The following ACAP2 variants were observed in gnomAD, a reference collection of about 807,000 sequenced individuals.
The protein encoded by ACAP2 is arf-GAP with coiled-coil, ANK repeat and PH domain-containing protein 2.
A neutral mutation model predicts 115.8 loss-of-function variants in ACAP2; 39 were observed. That is an observed-to-expected ratio of 0.34 (90% confidence interval 0.26 to 0.44). ACAP2 has a LOEUF of 0.44. Ranked by LOEUF, ACAP2 falls within the 20% of genes least tolerant of loss-of-function variation. ACAP2 has a pLI of 1.00. For missense variants in ACAP2, 662 were observed against 927.6 expected (o/e 0.71, Z 3.72); for synonymous variants, 289 against 315.8 (o/e 0.92, Z 0.90).
chr3:195,304,548 C>G (rs1728297750), intron 13 of ACAP2, among the ~76,000 whole-genome samples: 1 of 152,158 alleles, frequency 6.6e-6, no homozygotes, highest in African/African-American at 2.4e-5. Context: ...GATGACTGCT[C>G]TCTACACAAA....
chr3:195,381,541 T>C (rs1483399572), intron 3 of ACAP2, among the ~76,000 whole-genome samples: 2 of 152,158 alleles, frequency 1.3e-5, no homozygotes, highest in Non-Finnish European at 2.9e-5. Context: ...TAAGACGCTG[T>C]ACTTAGGTTA....
chr3:195,324,609 C>T (rs1190600454), intron 9 of ACAP2, among the ~76,000 whole-genome samples: 3 of 152,070 alleles, frequency 2.0e-5, no homozygotes, highest in African/African-American at 7.2e-5. Flanking sequence ...CAAAAATTAG[C>T]TAGGCATGGT....
At chr3:195,362,158 A>G (rs1350606543) in intron 4 of ACAP2, among the ~76,000 whole-genome samples, 2 of 152,072 alleles carry the variant, frequency 1.3e-5, no homozygotes, top group African/African-American at 4.8e-5. Flanking sequence ...TACTAAAAAT[A>G]CAAAAAAATT....
chr3:195,373,287 G>A (rs776716307), intron 4 of ACAP2, among the ~76,000 whole-genome samples: 7 of 151,980 alleles, frequency 4.6e-5, no homozygotes, highest in Non-Finnish European at 1.0e-4. Flanking sequence ...ATATTTTACA[G>A]AGGATCTTTC....
Position 195,356,292 on chromosome 3 carries a change from C to T in ACAP2, c.286-10975G>A. 8 of 423,336 alleles carry T rather than the reference C, an allele frequency of 1.9e-5. 1 individual carries two copies. Among genetic ancestry groups the T allele is most frequent in the South Asian group, 1.3e-4 (8 of 60,092 alleles). The allele number at this position is 423,336 out of a possible 1,614,324, so 26.2% of individuals were successfully genotyped here. ...CAATGAATGGAGCATTTAGACCAGC[C>T]CCAGGGACAGGACAATCACACAGCC... On this transcript the variant is annotated intron_variant, in intron 4 of 22. Transcript: ENST00000326793.
At chr3:195,339,603 ATTAC>A (rs1046371349) in intron 6 of ACAP2, among the ~76,000 whole-genome samples, 2 of 151,810 alleles carry the variant, frequency 1.3e-5, no homozygotes, top group South Asian at 2.1e-4. Flanking sequence ...TTGGATATCT[ATTAC>A]TTACTACTCT....
chr3:195,296,936 T>C (rs772395794), intron 16 of ACAP2, among the ~76,000 whole-genome samples: 17 of 152,180 alleles, frequency 1.1e-4, no homozygotes. Context: ...TAACTGACTG[T>C]TAAGGGTTTC....
intron 4 of ACAP2, among the ~76,000 whole-genome samples, chr3:195,361,968 C>T (rs772693878): frequency 2.6e-5 from 4 of 152,044 alleles, no homozygotes; most frequent in Admixed American, 6.6e-5. Flanking sequence ...GATTGAAGCA[C>T]GAAGAAATCC....
intron 22 of ACAP2, chr3:195,282,781 A>G (rs1726589601): frequency 1.3e-5 from 2 of 152,244 alleles, no homozygotes; most frequent in Admixed American, 6.5e-5. Context: ...TCAGACAGTT[A>G]ACTTTTCTAT....
intron 1 of ACAP2, among the ~76,000 whole-genome samples, chr3:195,392,704 T>C (rs1734757936): frequency 6.6e-6 from 1 of 152,186 alleles, no homozygotes; most frequent in South Asian, 2.1e-4. Context: ...AATGCAGAAC[T>C]AAATAAGCCA....
intron 21 of ACAP2, among the ~76,000 whole-genome samples, chr3:195,286,822 TAAGGG>T (rs1726873601): frequency 6.6e-6 from 1 of 152,242 alleles, no homozygotes; most frequent in Non-Finnish European, 1.5e-5. Context: ...AGATTATTTT[TAAGGG>T]AAGGGTCCAC....
Position 195,408,223 on chromosome 3 carries a change from A to G in ACAP2, c.54-16076T>C, listed in dbSNP as rs1294480099. Among the ~76,000 whole-genome samples, 8 of 152,184 alleles carry G rather than the reference A, an allele frequency of 5.3e-5. No homozygotes were observed. The East Asian group carries it at 1.5e-3, about 29-fold the overall frequency. On this transcript the variant is annotated intron_variant, in intron 1 of 22. Transcript: ENST00000326793. ...ATGCCTGTAATCCCAGCACTTTGGG[A>G]GCCCAAGGCAGGCGGTCTGCTTTCA...
intron 2 of ACAP2, among the ~76,000 whole-genome samples, chr3:195,383,622 C>T (rs1734092662): frequency 6.7e-6 from 1 of 148,412 alleles, no homozygotes; most frequent in Non-Finnish European, 1.5e-5. Context: ...GGATGCAAAG[C>T]TCAAATACTA....
chr3:195,324,287 A>G (rs1729634075), intron 9 of ACAP2, among the ~76,000 whole-genome samples: 1 of 152,226 alleles, frequency 6.6e-6, no homozygotes, highest in African/African-American at 2.4e-5. Flanking sequence ...GAAACAGAAT[A>G]GAGAAACTGA....
chr3:195,441,439 T>C (rs1245400439), intron 1 of ACAP2, among the ~76,000 whole-genome samples: 1 of 152,208 alleles, frequency 6.6e-6, no homozygotes. Flanking sequence ...TTTTAAATAA[T>C]AGCCCTAGGC....
chr3:195,332,757 T>C (rs1210518871), intron 8 of ACAP2, among the ~76,000 whole-genome samples: 1 of 152,172 alleles, frequency 6.6e-6, no homozygotes, highest in East Asian at 1.9e-4. Context: ...TTTGGTAGTT[T>C]CTCCTGCGTT....
intron 9 of ACAP2, among the ~76,000 whole-genome samples, chr3:195,321,267 G>C (rs1379257669): frequency 7.6e-6 from 1 of 131,444 alleles, no homozygotes; most frequent in Non-Finnish European, 1.5e-5. Context: ...CTGCTGCCCA[G>C]CCTGGAGTGC....
chr3:195,321,814 T>C (rs752581507), intron 9 of ACAP2, among the ~76,000 whole-genome samples: 10 of 152,048 alleles, frequency 6.6e-5, no homozygotes, highest in Non-Finnish European at 1.5e-4. Context: ...GATTTCACCA[T>C]GTTAGCCAGG....
intron 2 of ACAP2, among the ~76,000 whole-genome samples, chr3:195,390,344 T>C (rs1734585267): frequency 1.3e-5 from 2 of 152,142 alleles, no homozygotes; most frequent in Non-Finnish European, 2.9e-5. Flanking sequence ...TACAGGATTA[T>C]TGTAAAAATT....
Sources: gnomAD v4.1 joint callset for allele counts (sites outside exome capture counted in the v4.1 genomes callset) on GRCh38, gnomAD v4.1.1 for gene constraint, MANE v1.5 for transcripts, NCBI Gene and HGNC (gene_info 2026-07-23, HGNC 2026-07-21) for gene names.